Variants in CFAP74 observed in about 807,000 individuals in gnomAD.
CFAP74 encodes cilia and flagella associated protein 74, also known as cilia- and flagella-associated protein 74.
In CFAP74, 124 loss-of-function variants were observed where a neutral mutation model predicts 188.9. The ratio of observed to expected loss-of-function variants is 0.66; its 90% CI spans 0.57 to 0.76. The LOEUF (loss-of-function observed/expected upper bound fraction) is 0.76, where lower values mean the gene tolerates loss of function less well. Among genes scored for constraint, CFAP74 ranks in the 30% least tolerant of loss-of-function variants. The pLI is 0.00. For missense variants in CFAP74, 2,198 were observed against 2,165.2 expected, an observed-to-expected ratio of 1.02 and a Z score of -0.30; for synonymous variants, 956 against 916.7, an observed-to-expected ratio of 1.04 and a Z score of -0.77.
intron 8 of CFAP74, among the ~76,000 whole-genome samples, chr1:1,972,591 A>G (rs1481566184): frequency 2.6e-5 from 4 of 152,240 alleles, no homozygotes; most frequent in Admixed American, 2.6e-4. Context: ...CACGCCTGTA[A>G]TCCCGGCACT....
rs1264218579 is a variant in CFAP74, at chr1:1,964,966, C to T, written c.1497G>A (p.Val499=). Residue 499 remains valine (V), a synonymous_variant, in exon 13 of 39, where the codon GTG becomes GTA. Coordinates refer to ENST00000682832, the MANE Select transcript of CFAP74 (RefSeq NM_001304360.2). Reference sequence around the variant, plus strand: ...GCCCCCACACCACCTGCTTGTGGACCACCCTGCTCCGCAGCCGCTCCACCG... The same window carrying T: ...GCCCCCACACCACCTGCTTGTGGACTACCCTGCTCCGCAGCCGCTCCACCG... ...ERTVERLRSR[V]VHKQVVWGRE... is the part of the protein sequence containing the mutation. The T allele has an allele frequency of 1.2e-6, 2 of 1,613,868 alleles. No homozygotes were observed. Among genetic ancestry groups the T allele is most frequent in the Non-Finnish European group, 1.7e-6 (2 of 1,179,966 alleles).
In CFAP74 at chr1:1,971,893, C is replaced by T. The variant is rs559364450; in HGVS notation, c.888+87G>A. 201 of 1,045,690 alleles carry T rather than the reference C, an allele frequency of 1.9e-4. No homozygotes were observed. The African/African-American group carries it at 2.5e-3, about 13-fold the overall frequency. 64.8% of individuals were successfully genotyped at this position (1,045,690 alleles called of 1,614,324 possible). A position where few individuals can be genotyped will look rare whatever the true frequency, so the allele number is the denominator to read the frequency against. On this transcript the variant is annotated intron_variant, in intron 9 of 38. Coordinates refer to ENST00000682832, the MANE Select transcript of CFAP74 (RefSeq NM_001304360.2). Reference sequence around the variant, plus strand: ...GGTCAGCCCTGGACGCCAGAGGACACGGGCCTGGCTCCCAAGGAGCAGGGG... The same window carrying T: ...GGTCAGCCCTGGACGCCAGAGGACATGGGCCTGGCTCCCAAGGAGCAGGGG...
chr1:1,982,699 G>A (rs1202783306), intron 6 of CFAP74, among the ~76,000 whole-genome samples: 26 of 152,384 alleles, frequency 1.7e-4, no homozygotes, highest in Non-Finnish European at 3.2e-4. Context: ...CCCACAGGAG[G>A]AGGGCGGCAG....
intron 1 of CFAP74, among the ~76,000 whole-genome samples, chr1:1,996,799 TC>T (rs1182656462): frequency 6.6e-6 from 1 of 151,424 alleles, no homozygotes; most frequent in Non-Finnish European, 1.5e-5. Context: ...CAGGCACCTG[TC>T]ATCCCAGCTA....
At chr1:1,988,028 T>G (rs1454114847) in intron 4 of CFAP74, 1 of 457,420 alleles carries the variant, frequency 2.2e-6, no homozygotes, top group South Asian at 1.6e-5. Flanking sequence ...GCTGCAGCCT[T>G]GACCTCCTGG....
rs1558035672 is a variant in CFAP74 at position 1,966,452 on chromosome 1, G to T, written c.1320C>A (p.Asp440Glu). 1 of 1,606,612 alleles carries T rather than the reference G, an allele frequency of 6.2e-7. No individual in the cohort carries two copies. The highest frequency in any genetic ancestry group is 8.5e-7 in the Non-Finnish European group (1 of 1,175,958). Residue 440 changes from aspartate (D) to glutamate (E), a missense_variant, in exon 12 of 39, where the codon GAC becomes GAA. Physicochemically the swap from Asp to Glu is conservative, Grantham distance 45. Transcript: ENST00000682832. ...EVVSSELIQG[D>E]PGASSEEETL... is the part of the protein sequence containing the mutation. Reference sequence around the variant, plus strand: ...TTTCCTCCTCTGAGCTGGCCCCGGGGTCCCCCTGGATAAGCTCACTGGAAA... The same window carrying T: ...TTTCCTCCTCTGAGCTGGCCCCGGGTTCCCCCTGGATAAGCTCACTGGAAA...
At chr1:1,978,262 C>T (rs28613404) in intron 6 of CFAP74, among the ~76,000 whole-genome samples, 45,820 of 152,142 alleles carry the variant, frequency 0.3, 7,209 homozygotes, top group Non-Finnish European at 0.34. Flanking sequence ...CCGGACTGCG[C>T]GGGGGCCTGG....
At chr1:1,950,541 T>C (rs1275926806) in intron 18 of CFAP74, among the ~76,000 whole-genome samples, 1 of 152,122 alleles carries the variant, frequency 6.6e-6, no homozygotes, top group Non-Finnish European at 1.5e-5. Flanking sequence ...GGTTTTGCCA[T>C]GTTGGCCAGG....
Position 1,942,441 on chromosome 1 carries a change from G to T in CFAP74, c.2487-285C>A, listed in dbSNP as rs1165650875. ...GGCTCTCGGGAACCAGATGCTTTCCGGGAAGAGCACCTGCCAGGCAGCCCC... is the reference window on the plus strand; with the variant it reads ...GGCTCTCGGGAACCAGATGCTTTCCTGGAAGAGCACCTGCCAGGCAGCCCC... On this transcript the variant is annotated intron_variant, in intron 21 of 38. Transcript: ENST00000682832. The surrounding 1 kb of genome is among the most constrained non-coding windows in gnomAD (Gnocchi z 4.3). Among the ~76,000 whole-genome samples the T allele has an allele frequency of 6.6e-6, 1 of 152,128 alleles. No individual in the cohort carries two copies. Among genetic ancestry groups the T allele is most frequent in the Non-Finnish European group, 1.5e-5 (1 of 68,006 alleles).
rs1192909026 is a variant in CFAP74, at chr1:1,988,279, C to T, written c.296+233G>A. On this transcript the variant is annotated intron_variant, in intron 4 of 38. Transcript: ENST00000682832. Reference sequence around the variant, plus strand: ...TGACAGGTGGCAACTCTGGGTGGCGCTGGGGGCAGCGGGGCCACTTGTTTC... The same window carrying T: ...TGACAGGTGGCAACTCTGGGTGGCGTTGGGGGCAGCGGGGCCACTTGTTTC... The T allele has an allele frequency of 4.5e-5, 29 of 649,756 alleles. No individual in the cohort carries two copies. In the East Asian group the frequency reaches 8.3e-4, roughly 19 times the overall value. The allele number at this position is 649,756 out of a possible 1,614,324, so 40.2% of individuals were successfully genotyped here. A position where few individuals can be genotyped will look rare whatever the true frequency, so the allele number is the denominator to read the frequency against.
At chr1:1,998,881 A>C (rs1317517694) in intron 1 of CFAP74, among the ~76,000 whole-genome samples, 4 of 152,152 alleles carry the variant, frequency 2.6e-5, no homozygotes. Context: ...CGTCTCGAAA[A>C]AAGTAATAAT....
Position 1,960,025 on chromosome 1 carries a change from T to C in CFAP74, c.1700A>G (p.Asp567Gly). 6.3e-7 allele frequency: 1 copy of C among 1,586,800 alleles called. No individual in the cohort carries two copies. Among genetic ancestry groups the C allele is most frequent in the Non-Finnish European group, 8.6e-7 (1 of 1,169,444 alleles). The change falls in exon 15 of 39, where the codon GAC (aspartate) becomes GGC (glycine). Residue 567 changes from aspartate (D) to glycine (G), a missense_variant. By Grantham distance (94) the Asp-to-Gly change is moderately conservative. Transcript: ENST00000682832. Reference protein sequence around the residue: ...HLRDFIHVDFDPPGPLSAGMS... With the variant: ...HLRDFIHVDFGPPGPLSAGMS... ...TCCGGCTGACAGGGGGCCAGGGGGG[T>C]CAAAGCTGCAGGACGTGACCCATAG... is the stretch of plus-strand genomic sequence containing the variant.
chr1:1,939,102 G>A (rs926168535), intron 24 of CFAP74, 114 bp from the exon 25 acceptor site: 2 of 1,133,630 alleles, frequency 1.8e-6, no homozygotes, highest in African/African-American at 3.1e-5. Context: ...GTGAGCGAAT[G>A]TGAGGGTGAG....
intron 25 of CFAP74, 102 bp downstream of exon 25, chr1:1,938,753 G>A: frequency 7.4e-7 from 1 of 1,350,968 alleles, no homozygotes; most frequent in Non-Finnish European, 1.0e-6. Context: ...GGTCAGCCAG[G>A]CAGATGGGGT....
intron 37 of CFAP74, 22 bp from the exon 38 acceptor site, chr1:1,922,745 T>A: frequency 6.3e-7 from 1 of 1,595,890 alleles, no homozygotes; most frequent in Non-Finnish European, 8.5e-7. Context: ...GGGGCTCCTG[T>A]AGGCTGGCGA....
chr1:1,996,443 C>G (rs1472134936), intron 1 of CFAP74, among the ~76,000 whole-genome samples: 1 of 152,208 alleles, frequency 6.6e-6, no homozygotes, highest in Non-Finnish European at 1.5e-5. Flanking sequence ...GGGACACATT[C>G]TAACCGCATG....
chr1:1,930,639 C>T (rs1652300270), intron 25 of CFAP74, among the ~76,000 whole-genome samples: 1 of 152,182 alleles, frequency 6.6e-6, no homozygotes, highest in Non-Finnish European at 1.5e-5. Flanking sequence ...TCACTGTAGC[C>T]TCGAACTCCT....
chr1:2,003,190 T>C (rs1228503555), intron 1 of CFAP74, among the ~76,000 whole-genome samples: 2 of 152,200 alleles, frequency 1.3e-5, no homozygotes, highest in African/African-American at 4.8e-5. Context: ...ATGCAGAGAA[T>C]ATCAGTCCAT....
rs59531074 is a variant in CFAP74, at chr1:1,975,785, C to T, written c.501-1587G>A. 0.099 allele frequency among the ~76,000 whole-genome samples: 15,128 copies of T among 152,052 alleles called. 2,324 individuals are homozygous for T. The highest frequency in any genetic ancestry group is 0.33 in the African/African-American group (13,720 of 41,386). ...TCATGCTCCCATCAATTCTGGAAAA[C>T]GCTCAGTCATTGTTCTGCTGGCTGT... On this transcript the variant is annotated intron_variant, in intron 6 of 38. Transcript: ENST00000682832. This position sits in a 1 kb window ranked among gnomAD's most constrained non-coding sequence, Gnocchi z 4.5.
Sources: gnomAD v4.1 joint callset for allele counts (sites outside exome capture counted in the v4.1 genomes callset) on GRCh38, gnomAD v4.1.1 for gene constraint, Gnocchi (gnomAD v3.1) non-coding constraint, MANE v1.5 for transcripts, NCBI Gene and HGNC (gene_info 2026-07-23, HGNC 2026-07-21) for gene names.